The following PLCE1 variants were observed in gnomAD, a reference collection of about 807,000 sequenced individuals.
PLCE1 encodes phospholipase C epsilon 1, also known as 1-phosphatidylinositol 4,5-bisphosphate phosphodiesterase epsilon-1.
A neutral mutation model predicts 242.8 loss-of-function variants in PLCE1; 119 were observed. That is an observed-to-expected ratio of 0.49 (90% CI 0.42 to 0.57). PLCE1 has a LOEUF of 0.57. Among genes scored for constraint, PLCE1 ranks in the 20% least tolerant of loss-of-function variants. The pLI is 0.00. For synonymous variants in PLCE1, 945 were observed against 1,017.4 expected (o/e 0.93, Z 1.35); for missense variants, 2,441 against 2,788.8 (o/e 0.88, Z 2.81).
chr10:94,125,130 T>C (rs1459042277), intron 2 of PLCE1, among the ~76,000 whole-genome samples: 2 of 152,144 alleles, frequency 1.3e-5, no homozygotes, highest in Non-Finnish European at 2.9e-5. Context: ...TGAGAACTTA[T>C]AATGCCAAAC....
intron 3 of PLCE1, among the ~76,000 whole-genome samples, chr10:94,161,989 C>T (rs1366225344): frequency 2.0e-5 from 3 of 152,202 alleles, no homozygotes; most frequent in African/African-American, 2.4e-5. Flanking sequence ...ACCAGCCTTG[C>T]ATCCCAGGGA....
At chr10:94,223,832 T>C (rs1306010492) in intron 4 of PLCE1, among the ~76,000 whole-genome samples, 1 of 152,186 alleles carries the variant, frequency 6.6e-6, no homozygotes, top group Non-Finnish European at 1.5e-5. Flanking sequence ...TTTATATTTA[T>C]ATGATTTTTT....
chr10:94,055,615 G>A (rs1156639254), intron 2 of PLCE1, among the ~76,000 whole-genome samples: 2 of 152,140 alleles, frequency 1.3e-5, no homozygotes, highest in Non-Finnish European at 2.9e-5. Flanking sequence ...ACGGTGCCTA[G>A]CTGTTGTCTT....
At chr10:94,255,908 ACACACACTCTCTCTCTCTCTCT>A (rs1228083424) in intron 11 of PLCE1, among the ~76,000 whole-genome samples, 5 of 96,206 alleles carry the variant, frequency 5.2e-5, no homozygotes, top group African/African-American at 2.1e-4. Flanking sequence ...ACACACACAC[ACACACACTCTCTCTCTCTCTCT>A]CTCTCTCTCT....
chr10:94,017,610 A>ATTGGTG (rs1369471747), intron 1 of PLCE1, among the ~76,000 whole-genome samples: 68 of 152,318 alleles, frequency 4.5e-4, no homozygotes, highest in African/African-American at 1.6e-3. Flanking sequence ...AAGGCCTTCA[A>ATTGGTG]TTGGTGTTGG....
At position 94,034,980 on chromosome 10, in the gene PLCE1, C is replaced by T. The variant is rs148396204; in HGVS notation, c.1206+2728C>T. ...GCAGGTCCTTCTCTATACAGTTGAC[C>T]ACTCACCCCAGCCAGTGTCTAAGGA... On this transcript the variant is annotated intron_variant, in intron 2 of 32. Coordinates refer to ENST00000371380, the MANE Select transcript of PLCE1 (RefSeq NM_016341.4). 2.6e-5 allele frequency among the ~76,000 whole-genome samples: 4 copies of T among 152,166 alleles called. No homozygotes were observed. The East Asian group carries it at 7.7e-4, about 29-fold the overall frequency.
At chr10:94,259,711 G>T (rs1032781830) in intron 13 of PLCE1, among the ~76,000 whole-genome samples, 10 of 152,104 alleles carry the variant, frequency 6.6e-5, no homozygotes, top group African/African-American at 2.4e-4. Flanking sequence ...AAGCCTTCCA[G>T]TCATTCTGAC....
In PLCE1 at chr10:94,227,320, G is replaced by C; in HGVS notation, c.1824G>C (p.Val608=). The C allele has an allele frequency of 6.2e-7, 1 of 1,614,122 alleles. No homozygotes were observed. The highest frequency in any genetic ancestry group is 8.5e-7 in the Non-Finnish European group (1 of 1,179,972). Residue 608 remains valine, a synonymous_variant, in exon 5 of 33, where the codon GTG becomes GTC. Transcript: ENST00000371380. ...VMRFNEVSSW[V]TWLILTAGSM... is the part of the protein sequence containing the mutation. Reference sequence around the variant, plus strand: ...GTGTTTTCCAGGTGAGCTCCTGGGTGACATGGCTGATCCTCACGGCAGGCT... The same window carrying C: ...GTGTTTTCCAGGTGAGCTCCTGGGTCACATGGCTGATCCTCACGGCAGGCT...
chr10:94,243,415 G>A (rs537296809), intron 7 of PLCE1, among the ~76,000 whole-genome samples: 1 of 152,298 alleles, frequency 6.6e-6, no homozygotes, highest in African/African-American at 2.4e-5. Flanking sequence ...GATCCTGGAA[G>A]AGAAAAGGGA....
At chr10:94,131,362 GC>G (rs911384919) in intron 2 of PLCE1, among the ~76,000 whole-genome samples, 5 of 152,174 alleles carry the variant, frequency 3.3e-5, no homozygotes, top group Non-Finnish European at 7.3e-5. Context: ...GGTGTCTGCT[GC>G]CCCTCACACT....
At chr10:94,085,575 T>C (rs757694379) in intron 2 of PLCE1, among the ~76,000 whole-genome samples, 1 of 152,122 alleles carries the variant, frequency 6.6e-6, no homozygotes, top group Non-Finnish European at 1.5e-5. Flanking sequence ...CACATGTCCA[T>C]TGAGGCACCC....
In PLCE1 at chr10:94,171,333, G is replaced by A; in HGVS notation, c.1646G>A (p.Arg549Lys). Residue 549 changes from arginine to lysine, a missense_variant, in exon 4 of 33, where the codon AGG (arginine) becomes AAG (lysine). By Grantham distance (26) the Arg-to-Lys change is conservative. This residue lies in a region of PLCE1 where 733 missense variants were observed against 754.2 expected (regional missense o/e 0.97). Transcript: ENST00000371380. Reference sequence around the variant, plus strand: ...GAGCAAGAGCAGACTATTTACCGCAGGGTCTTGCCAGTCGACTACCTTTGC... The same window carrying A: ...GAGCAAGAGCAGACTATTTACCGCAAGGTCTTGCCAGTCGACTACCTTTGC... ...LMEQEQTIYR[R>K]VLPVDYLCFL... The A allele has an allele frequency of 1.2e-6, 2 of 1,614,210 alleles. No individual in the cohort carries two copies. Among genetic ancestry groups the A allele is most frequent in the South Asian group, 1.1e-5 (1 of 91,074 alleles).
rs2054155457 is a variant in PLCE1, at chr10:94,331,518, T to C, written c.*3575T>C. 1 of 152,256 alleles carries C rather than the reference T, an allele frequency of 6.6e-6. No homozygotes were observed. Among genetic ancestry groups the C allele is most frequent in the Admixed American group, 6.5e-5 (1 of 15,288 alleles). 9.4% of individuals were successfully genotyped at this position (152,256 alleles called of 1,614,324 possible). On this transcript the variant is annotated 3_prime_UTR_variant, in exon 33 of 33. Transcript: ENST00000371380. ...ATGCTAGTAAAGAAGAGTAGGATTT[T>C]CCTGGCTGGTGTCTTTGATCTTACA...
intron 3 of PLCE1, among the ~76,000 whole-genome samples, chr10:94,166,506 T>G (rs1350279271): frequency 6.6e-6 from 1 of 151,998 alleles, no homozygotes; most frequent in East Asian, 1.9e-4. Flanking sequence ...AGGAGATGCC[T>G]TCTAAAGTCA....
At chr10:94,180,162 C>G (rs1331318625) in intron 4 of PLCE1, among the ~76,000 whole-genome samples, 1 of 152,090 alleles carries the variant, frequency 6.6e-6, no homozygotes, top group Admixed American at 6.6e-5. Context: ...GAATCAAAAG[C>G]TGAGGGACCT....
chr10:94,020,671 AT>A (rs944220336), intron 1 of PLCE1, among the ~76,000 whole-genome samples: 1 of 150,114 alleles, frequency 6.7e-6, no homozygotes, highest in Non-Finnish European at 1.5e-5. Context: ...GTTGAGGTTC[AT>A]TTTTTTTCAT....
intron 9 of PLCE1, among the ~76,000 whole-genome samples, chr10:94,253,193 G>A (rs7080472): frequency 1.3e-5 from 2 of 151,926 alleles, no homozygotes; most frequent in Non-Finnish European, 2.9e-5. Context: ...AAGAAAGAAG[G>A]TTAATTGACT....
chr10:94,264,101 C>T (rs993943428), intron 14 of PLCE1, among the ~76,000 whole-genome samples: 12 of 151,908 alleles, frequency 7.9e-5, no homozygotes, highest in Admixed American at 6.6e-4. Flanking sequence ...AACAAAGATA[C>T]GATGTAATTT....
intron 3 of PLCE1, among the ~76,000 whole-genome samples, chr10:94,166,155 C>T (rs1052601864): frequency 1.3e-5 from 2 of 152,126 alleles, no homozygotes; most frequent in Admixed American, 6.5e-5. Flanking sequence ...TATTTTTTAC[C>T]TCAATAGGAT....
Sources: gnomAD v4.1 joint callset for allele counts (sites outside exome capture counted in the v4.1 genomes callset) on GRCh38, gnomAD v4.1.1 for gene constraint, gnomAD v4.1.1 regional missense constraint, MANE v1.5 for transcripts, NCBI Gene and HGNC (gene_info 2026-07-23, HGNC 2026-07-21) for gene names.